RIN3: variants seen among roughly 807,000 people sequenced by gnomAD.
RIN3 encodes RAB5 interacting protein 3.
Under a neutral mutation model 76.3 loss-of-function variants are expected in RIN3, and 54 were observed. That is an observed-to-expected ratio of 0.71 (90% CI 0.57 to 0.89). The LOEUF is 0.89. Ranked by LOEUF, RIN3 falls within the 40% of genes least tolerant of loss-of-function variation. RIN3 has a pLI of 0.00. For missense variants in RIN3, 1,256 were observed against 1,322.1 expected (o/e 0.95, Z 0.78); for synonymous variants, 576 against 564.0 (o/e 1.02, Z -0.30).
intron 8 of RIN3, among the ~76,000 whole-genome samples, chr14:92,680,395 C>T (rs6575275): frequency 0.76 from 115,100 of 151,744 alleles, 43,921 homozygotes; most frequent in East Asian, 0.84. Context: ...AGACAGGGTT[C>T]CAACATGTTG....
Position 92,681,962 on chromosome 14 carries a change from C to T in RIN3, c.2468-3025C>T, listed in dbSNP as rs187456710. 1.2e-3 allele frequency among the ~76,000 whole-genome samples: 184 copies of T among 152,294 alleles called. No homozygotes were observed. Among genetic ancestry groups the T allele is most frequent in the African/African-American group, 4.1e-3 (170 of 41,562 alleles). Reference sequence around the variant, plus strand: ...AGTGCAGTGGCCTGATCTCAGCTCACTGCAACCTCTGCCTCTCAGGTTCAA... The same window carrying T: ...AGTGCAGTGGCCTGATCTCAGCTCATTGCAACCTCTGCCTCTCAGGTTCAA... On this transcript the variant is annotated intron_variant, in intron 8 of 9. Transcript: ENST00000216487. This position sits in a 1 kb window ranked among gnomAD's most constrained non-coding sequence, Gnocchi z 4.7.
rs1887530340 is a variant in RIN3, at chr14:92,653,024, ACCGAGCTCAAGGC to A, written c.1978_1990del (p.Glu660TrpfsTer16). On this transcript the variant is annotated frameshift_variant, in exon 6 of 10. Coordinates refer to ENST00000216487, the MANE Select transcript of RIN3 (RefSeq NM_024832.5). LOFTEE classifies it high-confidence loss of function. ...GCTCAAGAGCTACCTGCTGCAGAGC[ACCGAGCTCAAGGC>A]CCTGGTGGACCCCGCCCTGCACTCC... The A allele has an allele frequency of 6.2e-7, 1 of 1,610,630 alleles. No homozygotes were observed.
intron 2 of RIN3, among the ~76,000 whole-genome samples, chr14:92,560,425 T>G (rs1897730686): frequency 6.6e-6 from 1 of 152,098 alleles, no homozygotes; most frequent in Admixed American, 6.6e-5. Flanking sequence ...CCTCTATATT[T>G]TCAAGCATAA....
At chr14:92,526,420 C>T (rs1315442540) in intron 1 of RIN3, among the ~76,000 whole-genome samples, 1 of 151,742 alleles carries the variant, frequency 6.6e-6, no homozygotes, top group Non-Finnish European at 1.5e-5. Context: ...GATCACACCA[C>T]TGCACTCCAG....
intron 4 of RIN3, among the ~76,000 whole-genome samples, chr14:92,630,237 T>A (rs1886523218): frequency 4.6e-5 from 7 of 152,140 alleles, no homozygotes; most frequent in Admixed American, 4.6e-4. Flanking sequence ...ACACCTGTAA[T>A]CCCAGCACTT....
chr14:92,658,892 C>T (rs940246886), intron 6 of RIN3, among the ~76,000 whole-genome samples: 1 of 152,200 alleles, frequency 6.6e-6, no homozygotes, highest in South Asian at 2.1e-4. Flanking sequence ...AAAGTTTGCT[C>T]TCTGCCAGGC....
chr14:92,675,151 G>A (rs1192572631), intron 7 of RIN3, among the ~76,000 whole-genome samples: 2 of 152,144 alleles, frequency 1.3e-5, no homozygotes, highest in Non-Finnish European at 2.9e-5. Flanking sequence ...GAATGTAACT[G>A]TTTTCCTTTT....
chr14:92,552,225 A>T (rs1897446877), intron 1 of RIN3, among the ~76,000 whole-genome samples: 1 of 152,178 alleles, frequency 6.6e-6, no homozygotes, highest in African/African-American at 2.4e-5. Flanking sequence ...AGTCCTCGTG[A>T]TGTTGGAGCC....
At chr14:92,601,509 G>T (rs1042158755) in intron 3 of RIN3, among the ~76,000 whole-genome samples, 3 of 152,186 alleles carry the variant, frequency 2.0e-5, no homozygotes, top group African/African-American at 7.2e-5. Flanking sequence ...GTTGAAGGTG[G>T]TATTTTCTGG....
chr14:92,570,925 T>C (rs1313433335), intron 2 of RIN3, among the ~76,000 whole-genome samples: 1 of 152,270 alleles, frequency 6.6e-6, no homozygotes, highest in Non-Finnish European at 1.5e-5. Context: ...TTACTCCTGT[T>C]AAATTAAGTT....
At position 92,688,170 on chromosome 14, in the gene RIN3, T is replaced by A; in HGVS notation, c.2876T>A (p.Val959Asp). ...RSEPKRDFHF[V>D]YRPLDGGGGG... ...GAGCCCAAGCGCGACTTCCACTTTGTCTACCGGCCCCTGGACGGTGGTGGC... is the reference window on the plus strand; with the variant it reads ...GAGCCCAAGCGCGACTTCCACTTTGACTACCGGCCCCTGGACGGTGGTGGC... The change falls in exon 10 of 10, where the codon GTC becomes GAC. Residue 959 changes from valine to aspartate, a missense_variant. Physicochemically the swap from Val to Asp is radical, Grantham distance 152. Around this residue, in one of 3 missense-constraint regions of RIN3, gnomAD observed 218 missense variants for 174.5 expected, o/e 1.25. Transcript: ENST00000216487. The A allele has an allele frequency of 6.2e-7, 1 of 1,606,472 alleles. No individual in the cohort carries two copies. The highest frequency in any genetic ancestry group is 8.5e-7 in the Non-Finnish European group (1 of 1,178,090).
intron 3 of RIN3, among the ~76,000 whole-genome samples, chr14:92,585,795 T>A (rs1281947017): frequency 6.6e-6 from 1 of 152,168 alleles, no homozygotes; most frequent in African/African-American, 2.4e-5. Context: ...ATTTTTGTAT[T>A]TTCTGTAGAG....
intron 1 of RIN3, among the ~76,000 whole-genome samples, chr14:92,518,704 T>A (rs938937677): frequency 6.6e-5 from 10 of 152,106 alleles, no homozygotes; most frequent in Admixed American, 4.6e-4. Flanking sequence ...TAGCTTGGTG[T>A]ACAGACTTGG....
At position 92,662,507 on chromosome 14, in the gene RIN3, C is replaced by T. The variant is rs141930199; in HGVS notation, c.2335+3038C>T. Among the ~76,000 whole-genome samples the T allele has an allele frequency of 5.3e-3, 802 of 152,362 alleles. 23 individuals carry two copies. In the East Asian group the frequency reaches 0.057, roughly 11 times the overall value. ...AGTTTCCTCTTGTGTTCAATAGGCA[C>T]AGCCACAACCACCTTGCAGGCCTGT... is the stretch of plus-strand genomic sequence containing the variant. On this transcript the variant is annotated intron_variant, in intron 7 of 9. Coordinates refer to ENST00000216487, the MANE Select transcript of RIN3 (RefSeq NM_024832.5).
At chr14:92,595,864 C>T (rs1885133034) in intron 3 of RIN3, among the ~76,000 whole-genome samples, 1 of 152,226 alleles carries the variant, frequency 6.6e-6, no homozygotes, top group Non-Finnish European at 1.5e-5. Flanking sequence ...AGGCAGCCCA[C>T]CTGGTCCAGA....
chr14:92,582,895 C>A (rs1217602578), intron 3 of RIN3, among the ~76,000 whole-genome samples: 1 of 152,238 alleles, frequency 6.6e-6, no homozygotes, highest in Non-Finnish European at 1.5e-5. Flanking sequence ...CCTCTTTGCT[C>A]TCTTCCTGTT....
chr14:92,633,204 C>T (rs1487398262), intron 4 of RIN3, among the ~76,000 whole-genome samples: 4 of 152,090 alleles, frequency 2.6e-5, no homozygotes, highest in Non-Finnish European at 5.9e-5. Flanking sequence ...GACAGGAAGA[C>T]GAACATGCAT....
At chr14:92,670,855 G>A (rs1385211661) in intron 7 of RIN3, among the ~76,000 whole-genome samples, 1 of 152,154 alleles carries the variant, frequency 6.6e-6, no homozygotes, top group Non-Finnish European at 1.5e-5. Context: ...GCTTGACGTT[G>A]GAAATTGTGG....
chr14:92,641,367 C>T (rs764847329), intron 5 of RIN3, 38 bp downstream of exon 5: 42 of 1,515,664 alleles, frequency 2.8e-5, no homozygotes, highest in Non-Finnish European at 3.1e-5. Flanking sequence ...GCTGGTGGGG[C>T]GTTAGGAACT....
Sources: gnomAD v4.1 joint callset for allele counts (sites outside exome capture counted in the v4.1 genomes callset) on GRCh38, gnomAD v4.1.1 for gene constraint, gnomAD v4.1.1 regional missense constraint, Gnocchi (gnomAD v3.1) non-coding constraint, MANE v1.5 for transcripts, NCBI Gene and HGNC (gene_info 2026-07-23, HGNC 2026-07-21) for gene names.